Variants in BCL7C observed in about 807,000 individuals in gnomAD.
The protein encoded by BCL7C is B-cell CLL/lymphoma 7 protein family member C.
A neutral mutation model predicts 26.2 loss-of-function variants in BCL7C; 8 were observed. The ratio of observed to expected loss-of-function variants is 0.30; its 90% confidence interval spans 0.18 to 0.55. The LOEUF is 0.55. Among genes scored for constraint, BCL7C ranks in the 20% least tolerant of loss-of-function variants. The probability of loss-of-function intolerance (pLI) is 0.93; values close to 1 mark genes in which losing one functional copy is unlikely to be tolerated. For synonymous variants in BCL7C, 90 were observed against 116.5 expected (o/e 0.77, Z 1.47); for missense variants, 262 against 298.5 (o/e 0.88, Z 0.90).
At chr16:30,870,672 AT>A (rs1398579824) in intron 5 of BCL7C, among the ~76,000 whole-genome samples, 1 of 152,150 alleles carries the variant, frequency 6.6e-6, no homozygotes, top group Non-Finnish European at 1.5e-5. Flanking sequence ...CCACCAAAAA[AT>A]AAAATAAAAT....
In BCL7C at chr16:30,893,786, CAGCG is replaced by C; in HGVS notation, c.92+63_92+66del. 7 of 1,439,720 alleles carry C rather than the reference CAGCG, an allele frequency of 4.9e-6. No homozygotes were observed. The highest frequency in any genetic ancestry group is 6.7e-6 in the Non-Finnish European group (7 of 1,039,538). 89.2% of individuals were successfully genotyped at this position (1,439,720 alleles called of 1,614,324 possible). A position where few individuals can be genotyped will look rare whatever the true frequency, so the allele number is the denominator to read the frequency against. ...ACCCGGGGCCCAGAGCTGGCGAGGG[CAGCG>C]TAGACGCCTTTGGTGCTGGTGGTCC... On this transcript the variant is annotated intron_variant, in intron 1 of 5. Coordinates refer to ENST00000215115, the MANE Select transcript of BCL7C (RefSeq NM_004765.4). The surrounding 1 kb of genome is among the most constrained non-coding windows in gnomAD (Gnocchi z 5.2).
intron 5 of BCL7C, among the ~76,000 whole-genome samples, chr16:30,855,487 T>C (rs376903568): frequency 4.6e-5 from 7 of 151,660 alleles, no homozygotes; most frequent in African/African-American, 1.5e-4. Flanking sequence ...CAGTGATCCA[T>C]CCACCTCAGC....
At chr16:30,839,935 G>C (rs1024902535) in intron 5 of BCL7C, among the ~76,000 whole-genome samples, 1 of 152,152 alleles carries the variant, frequency 6.6e-6, no homozygotes, top group Non-Finnish European at 1.5e-5. Context: ...GATAACTTGG[G>C]AATCCCTCCA....
intron 5 of BCL7C, among the ~76,000 whole-genome samples, chr16:30,864,050 C>T (rs1438995066): frequency 2.0e-5 from 3 of 152,190 alleles, no homozygotes; most frequent in Admixed American, 2.0e-4. Context: ...CTCACTGACT[C>T]TCTCCTAGCC....
chr16:30,854,071 G>A (rs1381411288), intron 5 of BCL7C, among the ~76,000 whole-genome samples: 1 of 152,132 alleles, frequency 6.6e-6, no homozygotes, highest in Non-Finnish European at 1.5e-5. Context: ...GCTTCTCAGT[G>A]TCTTCCTCAG....
At position 30,893,392 on chromosome 16, in the gene BCL7C, A is replaced by G; in HGVS notation, c.93-102T>C. 1.2e-6 allele frequency: 1 copy of G among 847,578 alleles called. No individual in the cohort carries two copies. Among genetic ancestry groups the G allele is most frequent in the Non-Finnish European group, 1.8e-6 (1 of 540,738 alleles). The allele number at this position is 847,578 out of a possible 1,614,324, so 52.5% of individuals were successfully genotyped here. A position where few individuals can be genotyped will look rare whatever the true frequency, so the allele number is the denominator to read the frequency against. On this transcript the variant is annotated intron_variant, in intron 1 of 5. Transcript: ENST00000215115. The surrounding 1 kb of genome is among the most constrained non-coding windows in gnomAD (Gnocchi z 5.2). ...GTACCTGCAGAGGTTGAGGAGGCAC[A>G]GGAGGATAGCAACAGTTTTGCTAAT...
intron 5 of BCL7C, among the ~76,000 whole-genome samples, chr16:30,844,426 A>T (rs908067143): frequency 6.6e-6 from 1 of 152,044 alleles, no homozygotes; most frequent in African/African-American, 2.4e-5. Flanking sequence ...TGCTCCAAGA[A>T]AGATACTGTA....
intron 5 of BCL7C, among the ~76,000 whole-genome samples, chr16:30,868,675 C>T (rs2143021970): frequency 6.6e-6 from 1 of 151,774 alleles, no homozygotes; most frequent in Admixed American, 6.6e-5. Context: ...ATCCCAGCTA[C>T]TTGGGAGGCT....
chr16:30,893,756 C>T lies in BCL7C; in HGVS notation c.92+97G>A, dbSNP rs925324830. The stretch of plus-strand genomic sequence containing the variant: ...GCAAAGCTAGTGGGTGGAGATACAC[C>T]GAACACCCGGGGCCCAGAGCTGGCG... On this transcript the variant is annotated intron_variant, in intron 1 of 5. Coordinates refer to ENST00000215115, the MANE Select transcript of BCL7C (RefSeq NM_004765.4). The surrounding 1 kb of genome is among the most constrained non-coding windows in gnomAD (Gnocchi z 5.2). The T allele has an allele frequency of 1.6e-5, 18 of 1,098,814 alleles. No homozygotes were observed. Among genetic ancestry groups the T allele is most frequent in the Non-Finnish European group, 2.4e-5 (18 of 740,608 alleles). 68.1% of individuals were successfully genotyped at this position (1,098,814 alleles called of 1,614,324 possible).
chr16:30,857,596 G>A (rs2151369292), intron 5 of BCL7C, among the ~76,000 whole-genome samples: 1 of 152,198 alleles, frequency 6.6e-6, no homozygotes, highest in Non-Finnish European at 1.5e-5. Flanking sequence ...GACCAAGGGA[G>A]AGAAGAATGG....
intron 5 of BCL7C, among the ~76,000 whole-genome samples, chr16:30,879,689 C>CAAAAAAAAAAAAAA (rs1187827463): frequency 0.059 from 1,743 of 29,364 alleles, 686 homozygotes; most frequent in East Asian, 0.19. Flanking sequence ...CCCTTCTCTA[C>CAAAAAAAAAAAAAA]AAAAAAAAAA....
At chr16:30,873,837 C>T (rs917613730) in intron 5 of BCL7C, among the ~76,000 whole-genome samples, 10 of 61,520 alleles carry the variant, frequency 1.6e-4, no homozygotes, top group African/African-American at 4.9e-4. Flanking sequence ...GGCCACAGAG[C>T]TACACTGTCT....
chr16:30,888,102 A>G, intron 5 of BCL7C, 112 bp from the exon 6 acceptor site: 1 of 1,115,462 alleles, frequency 9.0e-7, no homozygotes, highest in South Asian at 1.6e-5. Context: ...CCCGGGAGGC[A>G]AGCCCAGGGC....
chr16:30,884,242 C>T (rs966365718), downstream of BCL7C, among the ~76,000 whole-genome samples: 5 of 151,962 alleles, frequency 3.3e-5, no homozygotes, highest in Middle Eastern at 6.8e-3. Flanking sequence ...ATGGGGGAGA[C>T]TCAAACTTTA....
intron 5 of BCL7C, among the ~76,000 whole-genome samples, chr16:30,866,506 G>A (rs1400498222): frequency 1.3e-5 from 2 of 151,680 alleles, no homozygotes; most frequent in South Asian, 2.1e-4. Flanking sequence ...GAACCTGGGT[G>A]GCAGAGGTTG....
chr16:30,889,062 C>G (rs1455306297), intron 4 of BCL7C, 117 bp from the exon 5 acceptor site: 2 of 983,054 alleles, frequency 2.0e-6, no homozygotes, highest in Admixed American at 1.9e-5. Flanking sequence ...GCCATGGGAG[C>G]AGAGAGGAGA....
At chr16:30,887,698 C>G (rs1008739250), downstream of BCL7C, 2 of 1,196,442 alleles carry the variant, frequency 1.7e-6, no homozygotes, top group South Asian at 3.5e-5. Flanking sequence ...AAGGTCCTCT[C>G]AGAGCCTCAG....
At chr16:30,868,948 AT>A (rs1345392425) in intron 5 of BCL7C, among the ~76,000 whole-genome samples, 1 of 151,590 alleles carries the variant, frequency 6.6e-6, no homozygotes, top group Non-Finnish European at 1.5e-5. Context: ...TGAATCTGTA[AT>A]TTTTTCTTTT....
chr16:30,849,957 C>T (rs1395274954), intron 5 of BCL7C, among the ~76,000 whole-genome samples: 1 of 151,876 alleles, frequency 6.6e-6, no homozygotes, highest in Non-Finnish European at 1.5e-5. Context: ...GGCGTGGTGG[C>T]TCACACCTTT....
Sources: allele counts gnomAD v4.1 joint callset (sites outside exome capture counted in the v4.1 genomes callset), GRCh38; gene constraint gnomAD v4.1.1; non-coding constraint Gnocchi (gnomAD v3.1); transcripts MANE v1.5; gene names NCBI Gene and HGNC (gene_info 2026-07-23, HGNC 2026-07-21).